Variants in ZNF28 observed in about 807,000 individuals in gnomAD.
ZNF28 encodes zinc finger protein KOX24.
In ZNF28, 5 loss-of-function variants were observed where a neutral mutation model predicts 7.2. The ratio of observed to expected loss-of-function variants is 0.70; its 90% confidence interval spans 0.36 to 1.46. The LOEUF (loss-of-function observed/expected upper bound fraction) is 1.46. Ranked by LOEUF, ZNF28 falls within the 40% of genes most tolerant of loss-of-function variation. The pLI, the probability that ZNF28 is intolerant of heterozygous loss-of-function variation, is 0.03. For synonymous variants in ZNF28, 288 were observed against 292.4 expected (o/e 0.99, Z 0.15); for missense variants, 879 against 866.6 (o/e 1.01, Z -0.18).
chr19:52,798,438 C>A lies in ZNF28; in HGVS notation c.*1250G>T. The A allele has an allele frequency of 2.3e-6, 1 of 429,414 alleles. No individual in the cohort carries two copies. Among genetic ancestry groups the A allele is most frequent in the South Asian group, 1.9e-5 (1 of 53,920 alleles). The allele number at this position is 429,414 out of a possible 1,614,324, so 26.6% of individuals were successfully genotyped here. On this transcript the variant is annotated 3_prime_UTR_variant, in exon 4 of 4. Coordinates refer to ENST00000457749, the MANE Select transcript of ZNF28 (RefSeq NM_006969.5). ...CTTGCTATACTAATGGCATTTGAAA[C>A]AACTGTCTCCAAAAGGAATTGTCTG...
At chr19:52,811,420 C>A (rs1263279446) in intron 2 of ZNF28, among the ~76,000 whole-genome samples, 1 of 146,044 alleles carries the variant, frequency 6.8e-6, no homozygotes, top group African/African-American at 2.7e-5. Flanking sequence ...CGTCTCTGCC[C>A]GGCCGCCATC....
chr19:52,811,335 G>A (rs865843572), intron 2 of ZNF28, among the ~76,000 whole-genome samples: 10 of 148,824 alleles, frequency 6.7e-5, no homozygotes, highest in East Asian at 3.9e-4. Flanking sequence ...AGTGAGGAGC[G>A]ACTCTGCCTG....
chr19:52,811,887 T>TG (rs1555806530), intron 2 of ZNF28, among the ~76,000 whole-genome samples: 9 of 101,470 alleles, frequency 8.9e-5, no homozygotes, highest in South Asian at 3.8e-4. Flanking sequence ...GGGAGGGAGG[T>TG]GGGGGGGACA....
chr19:52,801,640 A>T lies in ZNF28; in HGVS notation c.205T>A (p.Phe69Ile), dbSNP rs770479802. The T allele has an allele frequency of 1.3e-5, 21 of 1,613,690 alleles. No individual in the cohort carries two copies. The highest frequency in any genetic ancestry group is 1.0e-5 in the Non-Finnish European group (12 of 1,179,848). ...FSTGQGNTEA[F>I]HTGTLQRQAS... The stretch of plus-strand genomic sequence containing the variant: ...TGTCTTTGCAATGTCCCTGTGTGGA[A>T]CGCTTCTGTATTGCCTTGCCCTGTT... Residue 69 changes from phenylalanine to isoleucine, a missense_variant, in exon 4 of 4, where the codon TTC becomes ATC. By Grantham distance (21) the Phe-to-Ile change is conservative. Coordinates refer to ENST00000457749, the MANE Select transcript of ZNF28 (RefSeq NM_006969.5).
In ZNF28 at chr19:52,800,160, C is replaced by A; in HGVS notation, c.1685G>T (p.Arg562Leu). The A allele has an allele frequency of 6.2e-7, 1 of 1,613,434 alleles. No homozygotes were observed. Residue 562 changes from arginine (R) to leucine (L), a missense_variant, in exon 4 of 4, where the codon CGC becomes CTC. Coordinates refer to ENST00000457749, the MANE Select transcript of ZNF28 (RefSeq NM_006969.5). ...KCEECEKVFSRKSHMERHRRI... is the reference protein window; with the variant it reads ...KCEECEKVFSLKSHMERHRRI... ...CCTATGTCTTTCCATGTGTGATTTG[C>A]GACTGAAAACTTTCTCACATTCTTC...
chr19:52,799,755 C>A lies in ZNF28; in HGVS notation c.2090G>T (p.Gly697Val). Residue 697 changes from glycine (G) to valine (V), a missense_variant, in exon 4 of 4, where the codon GGC becomes GTC. Transcript: ENST00000457749. ...GEKPYKCNEC[G>V]KTFSQMSNLV... Reference sequence around the variant, plus strand: ...GTTTGACATCTGACTGAAGGTCTTGCCACACTCATTACACTTGTAAGGTTT... The same window carrying A: ...GTTTGACATCTGACTGAAGGTCTTGACACACTCATTACACTTGTAAGGTTT... The A allele has an allele frequency of 6.2e-7, 1 of 1,614,004 alleles. No individual in the cohort carries two copies. Among genetic ancestry groups the A allele is most frequent in the Non-Finnish European group, 8.5e-7 (1 of 1,179,958 alleles).
rs145444402 is a variant in ZNF28, at chr19:52,810,530, C to G, written c.16-2397G>C. 22 of 1,596,518 alleles carry G rather than the reference C, an allele frequency of 1.4e-5. No homozygotes were observed. The Middle Eastern group carries it at 8.3e-4, about 60-fold the overall frequency. ...AAGGCAAATCAAGGTGATCCCAAAG[C>G]GAACCAACAGACCAGGCATCAGCAC... is the stretch of plus-strand genomic sequence containing the variant. On this transcript the variant is annotated intron_variant, in intron 2 of 3. Transcript: ENST00000457749.
chr19:52,804,458 C>T (rs2062911718), intron 3 of ZNF28, among the ~76,000 whole-genome samples: 1 of 152,130 alleles, frequency 6.6e-6, no homozygotes, highest in Non-Finnish European at 1.5e-5. Flanking sequence ...GCAACCTCCA[C>T]CTCCTGGGTT....
intron 2 of ZNF28, chr19:52,810,207 C>A: frequency 9.3e-7 from 1 of 1,073,706 alleles, no homozygotes; most frequent in Non-Finnish European, 1.5e-6. Context: ...GCTAAAGGAG[C>A]TACAGAACGA....
chr19:52,802,608 C>T (rs762711988), intron 3 of ZNF28, among the ~76,000 whole-genome samples: 2 of 151,958 alleles, frequency 1.3e-5, no homozygotes, highest in Non-Finnish European at 2.9e-5. Flanking sequence ...ACTTGGGAGG[C>T]AAAGATTGTG....
intron 2 of ZNF28, among the ~76,000 whole-genome samples, chr19:52,811,651 C>T (rs1218048026): frequency 2.0e-5 from 3 of 147,434 alleles, no homozygotes; most frequent in African/African-American, 7.8e-5. Context: ...AAACCCTCTG[C>T]CTGGCAACCG....
intron 1 of ZNF28, among the ~76,000 whole-genome samples, chr19:52,820,369 G>C (rs1467938836): frequency 7.4e-6 from 1 of 134,580 alleles, no homozygotes; most frequent in Non-Finnish European, 1.5e-5. Context: ...CACCCGCCTC[G>C]GCCTCCCAAA....
In ZNF28 at chr19:52,816,520, T is replaced by C. The variant is rs930178348; in HGVS notation, c.15+1424A>G. On this transcript the variant is annotated intron_variant, in intron 2 of 3. Transcript: ENST00000457749. Reference sequence around the variant, plus strand: ...TCTACTAAAAACACAAAAAATTAGCTAGGCATGGTGGCGGGTGCCTGTAGT... The same window carrying C: ...TCTACTAAAAACACAAAAAATTAGCCAGGCATGGTGGCGGGTGCCTGTAGT... Among the ~76,000 whole-genome samples, 93 of 145,158 alleles carry C rather than the reference T, an allele frequency of 6.4e-4. 13 individuals carry two copies. Among genetic ancestry groups the C allele is most frequent in the Middle Eastern group, 3.4e-3 (1 of 290 alleles).
At chr19:52,808,263 TCAC>T (rs1429787063) in intron 2 of ZNF28, 130 bp from the exon 3 acceptor site, 12 of 1,497,616 alleles carry the variant, frequency 8.0e-6, no homozygotes, top group Non-Finnish European at 1.1e-5. Flanking sequence ...GACGGATTTT[TCAC>T]CACATGATGT....
rs1007620361 is a variant in ZNF28, at chr19:52,810,297, G to C, written c.16-2164C>G. 1.4e-5 allele frequency: 21 copies of C among 1,526,340 alleles called. No homozygotes were observed. The Admixed American group carries it at 1.7e-4, about 12-fold the overall frequency. 94.5% of individuals were successfully genotyped at this position (1,526,340 alleles called of 1,614,324 possible). A position where few individuals can be genotyped will look rare whatever the true frequency, so the allele number is the denominator to read the frequency against. On this transcript the variant is annotated intron_variant, in intron 2 of 3. Transcript: ENST00000457749. ...CACGTCCATTGAGGAGAAGATGGAG[G>C]CTGATGCCCGTTCCATCAATGCTGG...
intron 2 of ZNF28, among the ~76,000 whole-genome samples, chr19:52,809,418 T>C (rs531462661): frequency 1.3e-5 from 2 of 152,182 alleles, no homozygotes; most frequent in African/African-American, 4.8e-5. Flanking sequence ...CAGGATGAAA[T>C]ATCGAACTAA....
In ZNF28 at chr19:52,810,055, G is replaced by C. The variant is rs1262282160; in HGVS notation, c.16-1922C>G. ...GAGCCGCTCCAGCCCCGCGCCCCAT[G>C]CCTGGGAGCTCCAGGACCTGGGCCT... On this transcript the variant is annotated intron_variant, in intron 2 of 3. Coordinates refer to ENST00000457749, the MANE Select transcript of ZNF28 (RefSeq NM_006969.5). 1.8e-5 allele frequency: 13 copies of C among 741,396 alleles called. No individual in the cohort carries two copies. In the Admixed American group the frequency reaches 2.6e-4, roughly 15 times the overall value. The allele number at this position is 741,396 out of a possible 1,614,324, so 45.9% of individuals were successfully genotyped here. A position where few individuals can be genotyped will look rare whatever the true frequency, so the allele number is the denominator to read the frequency against.
At chr19:52,815,263 C>G (rs2063107913) in intron 2 of ZNF28, among the ~76,000 whole-genome samples, 1 of 145,140 alleles carries the variant, frequency 6.9e-6, no homozygotes, top group Non-Finnish European at 1.5e-5. Context: ...CACCTGTAAT[C>G]TCAGCACTTT....
intron 2 of ZNF28, chr19:52,810,674 G>A (rs1051981693): frequency 7.9e-5 from 73 of 919,856 alleles, no homozygotes; most frequent in East Asian, 6.2e-4. Flanking sequence ...TACAGGGGCC[G>A]GGCTAGAGCG....
Sources: gnomAD v4.1 joint callset for allele counts (sites outside exome capture counted in the v4.1 genomes callset) on GRCh38, gnomAD v4.1.1 for gene constraint, MANE v1.5 for transcripts, NCBI Gene and HGNC (gene_info 2026-07-23, HGNC 2026-07-21) for gene names.